SPAG17: variants seen among roughly 807,000 people sequenced by gnomAD.
The protein encoded by SPAG17 is sperm associated antigen 17.
A neutral mutation model predicts 273.6 loss-of-function variants in SPAG17; 169 were observed. That is an observed-to-expected ratio of 0.62 (90% CI 0.55 to 0.70). The LOEUF (loss-of-function observed/expected upper bound fraction) is 0.70, where lower values mean the gene tolerates loss of function less well. Ranked by LOEUF, SPAG17 falls within the 30% of genes least tolerant of loss-of-function variation. SPAG17 has a pLI of 0.00. For missense variants in SPAG17, 2,557 were observed against 2,627.8 expected (o/e 0.97, Z 0.59); for synonymous variants, 825 against 873.2 (o/e 0.94, Z 0.97).
At chr1:117,967,473 T>TA (rs201519141) in intron 46 of SPAG17, among the ~76,000 whole-genome samples, 33 of 151,606 alleles carry the variant, frequency 2.2e-4, no homozygotes, top group Admixed American at 4.6e-4. Context: ...GTGATGAGTT[T>TA]AAAAAAAAAT....
intron 24 of SPAG17, 76 bp downstream of exon 24, chr1:118,036,694 A>G (rs2101905263): frequency 1.1e-6 from 1 of 915,040 alleles, no homozygotes; most frequent in African/African-American, 1.7e-5. Context: ...TTGACAAGTG[A>G]GCAGACTGAG....
chr1:118,138,650 G>A (rs1658493679), intron 3 of SPAG17, among the ~76,000 whole-genome samples: 2 of 152,008 alleles, frequency 1.3e-5, no homozygotes, highest in South Asian at 4.1e-4. Flanking sequence ...ACCAATAAAG[G>A]GAAAATGGAA....
chr1:118,063,316 G>A (rs1397770748), intron 18 of SPAG17, among the ~76,000 whole-genome samples: 3 of 152,086 alleles, frequency 2.0e-5, no homozygotes, highest in Admixed American at 6.6e-5. Context: ...GAGACATCAC[G>A]CTACCTGACT....
chr1:118,023,298 T>A lies in SPAG17; in HGVS notation c.4069+6A>T. On this transcript the variant is annotated splice_donor_region_variant and intron_variant, in intron 28 of 48. Transcript: ENST00000336338. ...CCATAATAAACTGAGAGGCTTCAATTGTTACCTTTCTTTGTGTTGGTAATC... is the reference window on the plus strand; with the variant it reads ...CCATAATAAACTGAGAGGCTTCAATAGTTACCTTTCTTTGTGTTGGTAATC... The A allele has an allele frequency of 6.2e-7, 1 of 1,608,126 alleles. No individual in the cohort carries two copies. Among genetic ancestry groups the A allele is most frequent in the Non-Finnish European group, 8.5e-7 (1 of 1,176,768 alleles).
intron 18 of SPAG17, 109 bp downstream of exon 18, chr1:118,066,636 G>T: frequency 1.2e-6 from 1 of 845,286 alleles, no homozygotes; most frequent in Non-Finnish European, 1.8e-6. Flanking sequence ...TGTTTTCATT[G>T]AGCTGAACCC....
At chr1:118,110,684 C>A (rs1656704808) in intron 4 of SPAG17, among the ~76,000 whole-genome samples, 1 of 152,120 alleles carries the variant, frequency 6.6e-6, no homozygotes, top group African/African-American at 2.4e-5. Context: ...GACCACTGTC[C>A]CCCTATTTAA....
At position 118,040,023 on chromosome 1, in the gene SPAG17, A is replaced by G. The variant is rs551788065; in HGVS notation, c.3167-579T>C. On this transcript the variant is annotated intron_variant, in intron 22 of 48. Transcript: ENST00000336338. ...TCAATGTTATGATTCATCAAATGAT[A>G]TAATTAATGTTAAATGGTTTTGCAA... Among the ~76,000 whole-genome samples, 47 of 152,292 alleles carry G rather than the reference A, an allele frequency of 3.1e-4. 2 individuals carry two copies. The South Asian group carries it at 9.1e-3, about 30-fold the overall frequency.
At chr1:118,156,096 A>G (rs773008331) in intron 1 of SPAG17, among the ~76,000 whole-genome samples, 25 of 152,238 alleles carry the variant, frequency 1.6e-4, no homozygotes, top group Non-Finnish European at 3.4e-4. Context: ...AGTAGTTATT[A>G]TGATAGACTC....
chr1:118,146,813 T>C (rs1383374451), intron 3 of SPAG17, among the ~76,000 whole-genome samples: 2 of 152,208 alleles, frequency 1.3e-5, no homozygotes, highest in African/African-American at 2.4e-5. Flanking sequence ...TATGCCTCCA[T>C]TTCCCCGTGC....
intron 48 of SPAG17, chr1:117,958,995 C>T (rs1224071689): frequency 1.2e-6 from 2 of 1,613,578 alleles, no homozygotes; most frequent in Admixed American, 1.7e-5. Flanking sequence ...AAAAGTCAGC[C>T]AAGTCCGGGT....
chr1:118,096,435 T>C (rs1262736495), intron 7 of SPAG17, among the ~76,000 whole-genome samples: 2 of 152,138 alleles, frequency 1.3e-5, no homozygotes, highest in Admixed American at 1.3e-4. Context: ...CCCAGCCTTT[T>C]TCAGAGCACT....
intron 4 of SPAG17, among the ~76,000 whole-genome samples, chr1:118,113,708 C>T (rs1656904003): frequency 6.6e-6 from 1 of 151,990 alleles, no homozygotes; most frequent in Non-Finnish European, 1.5e-5. Flanking sequence ...AGGTTCATGC[C>T]CCAGTTACCC....
intron 13 of SPAG17, among the ~76,000 whole-genome samples, chr1:118,083,042 C>G (rs775834996): frequency 1.1e-4 from 16 of 152,118 alleles, no homozygotes; most frequent in Non-Finnish European, 2.1e-4. Context: ...GACAGGTTCA[C>G]CCAGGCTGGA....
chr1:118,035,503 CA>C (rs1055018187), intron 24 of SPAG17, among the ~76,000 whole-genome samples: 3 of 152,012 alleles, frequency 2.0e-5, no homozygotes, highest in African/African-American at 7.2e-5. Flanking sequence ...AACAACAAAT[CA>C]AAGGCAAAGG....
At chr1:117,974,894 G>C (rs750712569) in intron 43 of SPAG17, among the ~76,000 whole-genome samples, 4 of 152,096 alleles carry the variant, frequency 2.6e-5, no homozygotes, top group Non-Finnish European at 5.9e-5. Context: ...GAATGAGGGG[G>C]CTCTGGCAGT....
At chr1:117,998,895 A>C (rs1480990423) in intron 32 of SPAG17, among the ~76,000 whole-genome samples, 1 of 152,132 alleles carries the variant, frequency 6.6e-6, no homozygotes, top group East Asian at 1.9e-4. Context: ...GGCTTGATAC[A>C]TAGGTATACA....
intron 3 of SPAG17, among the ~76,000 whole-genome samples, chr1:118,137,213 C>A (rs1658418187): frequency 6.6e-6 from 1 of 152,152 alleles, no homozygotes; most frequent in Non-Finnish European, 1.5e-5. Context: ...GGCTTCTCTG[C>A]AACTCCAGGG....
chr1:118,047,930 C>T (rs1047407179), intron 20 of SPAG17, among the ~76,000 whole-genome samples: 3 of 152,198 alleles, frequency 2.0e-5, no homozygotes, highest in African/African-American at 7.2e-5. Context: ...CAGGCCTGCT[C>T]TAGCAGACTG....
chr1:118,005,278 T>C, intron 32 of SPAG17, 136 bp downstream of exon 32: 1 of 639,098 alleles, frequency 1.6e-6, no homozygotes, highest in South Asian at 3.1e-5. Flanking sequence ...CATTACTGCT[T>C]GCCCAAAGTA....
Sources: gnomAD v4.1 joint callset for allele counts (sites outside exome capture counted in the v4.1 genomes callset) on GRCh38, gnomAD v4.1.1 for gene constraint, MANE v1.5 for transcripts, NCBI Gene and HGNC (gene_info 2026-07-23, HGNC 2026-07-21) for gene names.